Variants in DYM observed in about 807,000 individuals in gnomAD.
DYM encodes dyggve-Melchior-Clausen syndrome protein.
In DYM, 78 loss-of-function variants were observed where a neutral mutation model predicts 93.1. The observed-to-expected ratio is 0.84, with a 90% confidence interval of 0.70 to 1.01. The LOEUF (loss-of-function observed/expected upper bound fraction) is 1.01, where lower values mean the gene tolerates loss of function less well. Among genes scored for constraint, DYM ranks in the 50% least tolerant of loss-of-function variants. DYM has a pLI of 0.00. For missense variants in DYM, 789 were observed against 845.0 expected, an observed-to-expected ratio of 0.93 and a Z score of 0.82; for synonymous variants, 321 against 319.7, an observed-to-expected ratio of 1.00 and a Z score of -0.04.
chr18:49,180,596 C>G (rs1211115083), intron 14 of DYM, among the ~76,000 whole-genome samples: 1 of 152,108 alleles, frequency 6.6e-6, no homozygotes, highest in East Asian at 1.9e-4. Flanking sequence ...ACCTGGGGCA[C>G]TACAGCTAGC....
intron 9 of DYM, among the ~76,000 whole-genome samples, chr18:49,284,626 A>G (rs2095077232): frequency 6.6e-6 from 1 of 152,192 alleles, no homozygotes; most frequent in South Asian, 2.1e-4. Flanking sequence ...TTTTGAAGCT[A>G]ATTGAGATTA....
intron 15 of DYM, among the ~76,000 whole-genome samples, chr18:49,148,281 A>G (rs2085391357): frequency 6.6e-6 from 1 of 152,106 alleles, no homozygotes; most frequent in South Asian, 2.1e-4. Flanking sequence ...AACATGGCAC[A>G]TGTATACATA....
At chr18:49,413,209 C>G (rs1294125999) in intron 2 of DYM, 1 of 152,254 alleles carries the variant, frequency 6.6e-6, no homozygotes. Context: ...TGGACTTAGA[C>G]AAATAAACCT....
In DYM at chr18:49,327,438, C is replaced by G. The variant is rs139692892; in HGVS notation, c.763+4426G>C. On this transcript the variant is annotated intron_variant, in intron 8 of 17. Coordinates refer to ENST00000675505, the MANE Select transcript of DYM (RefSeq NM_001353214.3). Reference sequence around the variant, plus strand: ...GTGGCGTGATCACAGCACACTGCAGCCTCGACCTTCCAGGCTCAAGCGAAC... The same window carrying G: ...GTGGCGTGATCACAGCACACTGCAGGCTCGACCTTCCAGGCTCAAGCGAAC... Among the ~76,000 whole-genome samples, 13 of 152,112 alleles carry G rather than the reference C, an allele frequency of 8.5e-5. No individual in the cohort carries two copies. In the East Asian group the frequency reaches 2.5e-3, roughly 29 times the overall value.
chr18:49,436,818 A>T (rs894285999), intron 1 of DYM, among the ~76,000 whole-genome samples: 2 of 152,204 alleles, frequency 1.3e-5, no homozygotes, highest in African/African-American at 4.8e-5. Flanking sequence ...ACAGGAAAAA[A>T]ATGACACCAG....
chr18:49,441,867 T>G (rs1205210334), intron 1 of DYM, among the ~76,000 whole-genome samples: 4 of 152,098 alleles, frequency 2.6e-5, no homozygotes, highest in Admixed American at 2.0e-4. Context: ...AAGACTATTA[T>G]GCGTGCTTCC....
intron 8 of DYM, among the ~76,000 whole-genome samples, chr18:49,300,070 A>AATAT (rs948967726): frequency 1.5e-4 from 21 of 141,658 alleles, no homozygotes; most frequent in African/African-American, 4.5e-4. Flanking sequence ...TATATATATA[A>AATAT]ATATATATAT....
intron 6 of DYM, among the ~76,000 whole-genome samples, chr18:49,349,767 G>A (rs1461185875): frequency 6.6e-6 from 1 of 152,062 alleles, no homozygotes; most frequent in East Asian, 1.9e-4. Context: ...ACCAGCCTGG[G>A]TAACATAGCA....
chr18:49,097,863 G>A (rs2079705132), intron 16 of DYM, among the ~76,000 whole-genome samples: 1 of 137,104 alleles, frequency 7.3e-6, no homozygotes, highest in African/African-American at 2.7e-5. Context: ...CACTTTTGAA[G>A]CTTAATATTA....
rs574892118 is a variant in DYM at position 49,288,537 on chromosome 18, G to C, written c.764-1921C>G. On this transcript the variant is annotated intron_variant, in intron 8 of 17. Transcript: ENST00000675505. Reference sequence around the variant, plus strand: ...CTCATGCCTGTAATCCCAGCACTTTGGGAGGCTAAGGCAGATGGATCAACT... The same window carrying C: ...CTCATGCCTGTAATCCCAGCACTTTCGGAGGCTAAGGCAGATGGATCAACT... 2.0e-5 allele frequency among the ~76,000 whole-genome samples: 3 copies of C among 152,264 alleles called. No individual in the cohort carries two copies. The East Asian group carries it at 5.8e-4, about 29-fold the overall frequency.
chr18:49,441,556 G>A (rs903555725), intron 1 of DYM, among the ~76,000 whole-genome samples: 7 of 150,102 alleles, frequency 4.7e-5, no homozygotes, highest in African/African-American at 1.7e-4. Context: ...GGCTCCAAGT[G>A]CTATATTAAG....
At chr18:49,176,469 G>T (rs2089388905) in intron 14 of DYM, among the ~76,000 whole-genome samples, 1 of 151,376 alleles carries the variant, frequency 6.6e-6, no homozygotes, top group Non-Finnish European at 1.5e-5. Flanking sequence ...AGAGTACAGT[G>T]GTGCAATCAT....
At chr18:49,171,128 G>A (rs1467110142) in intron 14 of DYM, among the ~76,000 whole-genome samples, 5 of 152,114 alleles carry the variant, frequency 3.3e-5, no homozygotes, top group African/African-American at 1.2e-4. Context: ...GGACTGCAGC[G>A]CTTGAGAAAT....
At chr18:49,382,439 C>T (rs1331450262) in intron 3 of DYM, among the ~76,000 whole-genome samples, 11 of 152,288 alleles carry the variant, frequency 7.2e-5, no homozygotes, top group African/African-American at 2.6e-4. Flanking sequence ...TTAAACAATA[C>T]TCCATGGTAG....
chr18:49,440,205 A>T (rs1362061597), intron 1 of DYM, among the ~76,000 whole-genome samples: 1 of 143,096 alleles, frequency 7.0e-6, no homozygotes, highest in African/African-American at 2.5e-5. Context: ...ATGATAACCA[A>T]ATTCTGTTCT....
intron 17 of DYM, among the ~76,000 whole-genome samples, chr18:49,045,652 G>A (rs1301733812): frequency 6.6e-6 from 1 of 152,144 alleles, no homozygotes; most frequent in African/African-American, 2.4e-5. Flanking sequence ...AGCAGCAGCA[G>A]CAACAAAAAA....
intron 15 of DYM, among the ~76,000 whole-genome samples, chr18:49,162,164 A>G (rs989486433): frequency 6.6e-6 from 1 of 152,186 alleles, no homozygotes; most frequent in East Asian, 1.9e-4. Context: ...TCCTATTATT[A>G]TATTATGCTC....
chr18:49,256,600 T>C (rs1195840842), intron 13 of DYM, among the ~76,000 whole-genome samples: 1 of 152,222 alleles, frequency 6.6e-6, no homozygotes, highest in Non-Finnish European at 1.5e-5. Context: ...TAATTTGTTA[T>C]GGCAACAATA....
intron 8 of DYM, among the ~76,000 whole-genome samples, chr18:49,294,196 C>G (rs1417104464): frequency 7.1e-6 from 1 of 140,706 alleles, no homozygotes; most frequent in African/African-American, 2.5e-5. Context: ...GGTACCAGTA[C>G]CATGCTGTTT....
Sources: gnomAD v4.1 joint callset for allele counts (sites outside exome capture counted in the v4.1 genomes callset) on GRCh38, gnomAD v4.1.1 for gene constraint, MANE v1.5 for transcripts, NCBI Gene and HGNC (gene_info 2026-07-23, HGNC 2026-07-21) for gene names.